FRMPD3: variants seen among roughly 807,000 people sequenced by gnomAD.
FRMPD3 encodes FERM and PDZ domain-containing protein 3.
A neutral mutation model predicts 97.9 loss-of-function variants in FRMPD3; 42 were observed. The observed-to-expected ratio is 0.43, with a 90% CI of 0.34 to 0.55. The LOEUF is 0.55. Ranked by LOEUF, FRMPD3 falls within the 20% of genes least tolerant of loss-of-function variation. The pLI is 0.03. For missense variants in FRMPD3, 1,303 were observed against 1,457.7 expected, an observed-to-expected ratio of 0.89 and a Z score of 1.73; for synonymous variants, 577 against 581.1, an observed-to-expected ratio of 0.99 and a Z score of 0.10.
At chrX:107,454,351 A>G (rs905759685) in intron 1 of FRMPD3, among the ~76,000 whole-genome samples, 1 of 109,388 alleles carries the variant, frequency 9.1e-6, no homozygotes, top group African/African-American at 3.3e-5. Flanking sequence ...ACTTAACCCC[A>G]CTCCTGAGGT....
chrX:107,597,826 T>TGAGGAG lies in FRMPD3; in HGVS notation c.1962_1967dup (p.Glu655_Glu656dup), dbSNP rs765779456. On this transcript the variant is annotated inframe_insertion, in exon 14 of 15. Coordinates refer to ENST00000683843, the MANE Select transcript of FRMPD3 (RefSeq NM_001388459.1). The stretch of plus-strand genomic sequence containing the variant: ...TGATGTCCCTCCCACCACCTGGGAG[T>TGAGGAG]GAGGAGGAGGAGGAGGAGGAAGATG... The TGAGGAG allele has an allele frequency of 5.9e-6, 7 of 1,176,846 alleles. No individual in the cohort carries two copies. The highest frequency in any genetic ancestry group is 6.8e-6 in the Non-Finnish European group (6 of 879,890).
chrX:107,491,199 C>T lies in FRMPD3; in HGVS notation c.-7-35383C>T, dbSNP rs188683782. The stretch of plus-strand genomic sequence containing the variant: ...ATCATCAATAACAGCAACATCATCA[C>T]TGTTGTCGTGCTTGTTGTCATAATG... On this transcript the variant is annotated intron_variant, in intron 1 of 14. Coordinates refer to ENST00000683843, the MANE Select transcript of FRMPD3 (RefSeq NM_001388459.1). 1.2e-4 allele frequency among the ~76,000 whole-genome samples: 14 copies of T among 112,167 alleles called. No homozygotes were observed. The East Asian group carries it at 2.8e-3, about 22-fold the overall frequency.
In FRMPD3 at chrX:107,560,202, G is replaced by A. The variant is rs1264695611; in HGVS notation, c.763-55G>A. On this transcript the variant is annotated intron_variant, in intron 8 of 14. Transcript: ENST00000683843. ...TGGGATGTAAGGGAGTAGATCAGGG[G>A]GTGGGGAAGGAATGTCTCCTTCAGC... The A allele has an allele frequency of 5.1e-6, 6 of 1,172,629 alleles. No homozygotes were observed. The Admixed American group carries it at 1.3e-4, about 26-fold the overall frequency.
At chrX:107,469,656 G>T (rs1386152804) in intron 1 of FRMPD3, among the ~76,000 whole-genome samples, 1 of 112,767 alleles carries the variant, frequency 8.9e-6, no homozygotes, top group Non-Finnish European at 1.9e-5. Flanking sequence ...TCCCAGCTCT[G>T]CCACTTAGTG....
chrX:107,475,420 T>A lies in FRMPD3; in HGVS notation c.-8+25415T>A, dbSNP rs552542444. Among the ~76,000 whole-genome samples the A allele has an allele frequency of 2.7e-5, 3 of 112,318 alleles. No homozygotes were observed. The South Asian group carries it at 1.1e-3, about 42-fold the overall frequency. ...CAGCATCCAAAGGGGGAAGCAATCATTGGTTTGAGAAGAATCTCTGAGCCA... is the reference window on the plus strand; with the variant it reads ...CAGCATCCAAAGGGGGAAGCAATCAATGGTTTGAGAAGAATCTCTGAGCCA... On this transcript the variant is annotated intron_variant, in intron 1 of 14. Coordinates refer to ENST00000683843, the MANE Select transcript of FRMPD3 (RefSeq NM_001388459.1).
chrX:107,564,482 C>T (rs1476006280), intron 11 of FRMPD3, among the ~76,000 whole-genome samples: 1 of 111,977 alleles, frequency 8.9e-6, no homozygotes, highest in Non-Finnish European at 1.9e-5. Flanking sequence ...CACAGGATGC[C>T]GCCTTCTCAG....
intron 1 of FRMPD3, among the ~76,000 whole-genome samples, chrX:107,456,216 A>G (rs928023835): frequency 2.7e-5 from 3 of 110,256 alleles, no homozygotes; most frequent in African/African-American, 9.9e-5. Flanking sequence ...TTAGTGTTTC[A>G]TAGAGACAGG....
chrX:107,557,796 TC>T (rs1569422277), intron 8 of FRMPD3, among the ~76,000 whole-genome samples: 1 of 42,410 alleles, frequency 2.4e-5, no homozygotes, highest in Non-Finnish European at 3.9e-5. Flanking sequence ...AAATCTGTTG[TC>T]TATATATATA....
At chrX:107,471,877 C>T (rs767722287) in intron 1 of FRMPD3, among the ~76,000 whole-genome samples, 2 of 112,451 alleles carry the variant, frequency 1.8e-5, no homozygotes, top group Non-Finnish European at 3.7e-5. Context: ...AATCGCCATA[C>T]TGTCTTCCAC....
intron 7 of FRMPD3, among the ~76,000 whole-genome samples, chrX:107,553,546 C>A (rs1376835624): frequency 9.0e-6 from 1 of 110,642 alleles, no homozygotes; most frequent in Non-Finnish European, 1.9e-5. Context: ...GCAATCAAAG[C>A]CAATCAGTAC....
At chrX:107,459,925 A>ACACACT (rs1364364662) in intron 1 of FRMPD3, among the ~76,000 whole-genome samples, 2 of 107,562 alleles carry the variant, frequency 1.9e-5, no homozygotes, top group African/African-American at 7.2e-5. Context: ...ACACACACAC[A>ACACACT]CACACACTCT....
chrX:107,540,834 TA>T (rs1175600718), intron 4 of FRMPD3, among the ~76,000 whole-genome samples: 1 of 112,474 alleles, frequency 8.9e-6, no homozygotes, highest in African/African-American at 3.2e-5. Context: ...TTCTAACTTT[TA>T]AAATCTGGTG....
intron 13 of FRMPD3, among the ~76,000 whole-genome samples, chrX:107,590,866 T>A (rs1335133681): frequency 8.9e-6 from 1 of 112,539 alleles, no homozygotes; most frequent in African/African-American, 3.2e-5. Context: ...TCTTGTGACA[T>A]CTTTGTCTGG....
At chrX:107,488,788 CA>C (rs35996850) in intron 1 of FRMPD3, among the ~76,000 whole-genome samples, 1 of 110,787 alleles carries the variant, frequency 9.0e-6, no homozygotes, top group Non-Finnish European at 1.9e-5. Context: ...AACAAACAAA[CA>C]AAAAAACACT....
At position 107,475,960 on chromosome X, in the gene FRMPD3, T is replaced by C. The variant is rs921449007; in HGVS notation, c.-8+25955T>C. 2.1e-4 allele frequency among the ~76,000 whole-genome samples: 24 copies of C among 112,479 alleles called. 1 individual carries two copies. The highest frequency in any genetic ancestry group is 7.8e-4 in the African/African-American group (24 of 30,949). ...GTGCAGTGGCACAATCTCGGCTCACTGTAACCTCCGCCTCCTGGGTTCAAG... is the reference window on the plus strand; with the variant it reads ...GTGCAGTGGCACAATCTCGGCTCACCGTAACCTCCGCCTCCTGGGTTCAAG... On this transcript the variant is annotated intron_variant, in intron 1 of 14. Transcript: ENST00000683843.
intron 4 of FRMPD3, among the ~76,000 whole-genome samples, chrX:107,540,211 A>G (rs1343673944): frequency 8.9e-6 from 1 of 112,011 alleles, no homozygotes; most frequent in Non-Finnish European, 1.9e-5. Context: ...TGGTTCCCCT[A>G]GTAGTGATCT....
intron 12 of FRMPD3, among the ~76,000 whole-genome samples, chrX:107,569,377 G>A (rs1169985130): frequency 9.1e-6 from 1 of 109,719 alleles, no homozygotes; most frequent in Non-Finnish European, 1.9e-5. Flanking sequence ...AGCATGTTAG[G>A]GGAGTACAGG....
chrX:107,540,847 G>A (rs185904182), intron 4 of FRMPD3, among the ~76,000 whole-genome samples: 2 of 112,468 alleles, frequency 1.8e-5, no homozygotes, highest in Admixed American at 1.9e-4. Flanking sequence ...AATCTGGTGT[G>A]AGCCTAGGCA....
intron 1 of FRMPD3, among the ~76,000 whole-genome samples, chrX:107,462,020 T>C (rs1931487563): frequency 9.1e-6 from 1 of 109,860 alleles, no homozygotes; most frequent in African/African-American, 3.3e-5. Flanking sequence ...TCGTATCCTC[T>C]AACCAACAAG....
Sources: gnomAD v4.1 joint callset for allele counts (sites outside exome capture counted in the v4.1 genomes callset) on GRCh38, gnomAD v4.1.1 for gene constraint, MANE v1.5 for transcripts, NCBI Gene and HGNC (gene_info 2026-07-23, HGNC 2026-07-21) for gene names.